CA5B: variants seen among roughly 807,000 people sequenced by gnomAD.
CA5B encodes carbonic anhydrase 5B, mitochondrial.
Under a neutral mutation model 23.1 loss-of-function variants are expected in CA5B, and 15 were observed. The observed-to-expected ratio is 0.65, with a 90% confidence interval of 0.43 to 1.00. The LOEUF (loss-of-function observed/expected upper bound fraction) is 1.00, where lower values mean the gene tolerates loss of function less well. Ranked by LOEUF, CA5B falls within the 50% of genes least tolerant of loss-of-function variation. The probability of loss-of-function intolerance (pLI) is 0.00; values close to 1 mark genes in which losing one functional copy is unlikely to be tolerated. For synonymous variants in CA5B, 84 were observed against 98.5 expected (o/e 0.85, Z 0.87); for missense variants, 236 against 252.2 (o/e 0.94, Z 0.43).
rs933675971 is a variant in CA5B, at chrX:15,785,803, AAC to A, written c.*3145_*3146del. ...AAGTATAGTTACCTTTAAAAGGGTAAACACACAAGATATGCATTTTCCAAAGC... is the reference window on the plus strand; with the variant it reads ...AAGTATAGTTACCTTTAAAAGGGTAAACACAAGATATGCATTTTCCAAAGC... On this transcript the variant is annotated 3_prime_UTR_variant, in exon 8 of 8. Transcript: ENST00000318636. 11 of 112,474 alleles carry A rather than the reference AAC, an allele frequency of 9.8e-5. No homozygotes were observed. In the South Asian group the frequency reaches 1.1e-3, roughly 11 times the overall value. 9.3% of individuals were successfully genotyped at this position (112,474 alleles called of 1,213,427 possible).
intron 3 of CA5B, among the ~76,000 whole-genome samples, chrX:15,771,504 G>A (rs1931819873): frequency 9.1e-6 from 1 of 109,669 alleles, no homozygotes. Flanking sequence ...TCAGCTCACC[G>A]CAACCTCCGC....
chrX:15,771,195 T>A, intron 3 of CA5B, among the ~76,000 whole-genome samples: 1 of 61,315 alleles, frequency 1.6e-5, no homozygotes, highest in African/African-American at 6.7e-5. Flanking sequence ...TGACAAAACC[T>A]CATCTCTACA....
At chrX:15,752,301 C>G (rs1443938390) in intron 2 of CA5B, among the ~76,000 whole-genome samples, 2 of 111,335 alleles carry the variant, frequency 1.8e-5, no homozygotes, top group South Asian at 7.4e-4. Flanking sequence ...ATTTACTTTC[C>G]AAGCTGACTT....
At chrX:15,746,116 G>A (rs1601777631) in intron 1 of CA5B, among the ~76,000 whole-genome samples, 1 of 92,565 alleles carries the variant, frequency 1.1e-5, no homozygotes, top group African/African-American at 4.2e-5. Context: ...CATGATCTCG[G>A]CTCACTGCAA....
At chrX:15,745,055 G>A (rs1344596060) in intron 1 of CA5B, among the ~76,000 whole-genome samples, 1 of 108,134 alleles carries the variant, frequency 9.2e-6, no homozygotes, top group Non-Finnish European at 1.9e-5. Context: ...TGTATTCCCA[G>A]CTACTCTGGA....
At chrX:15,776,024 T>C (rs985981895) in intron 6 of CA5B, 53 of 751,421 alleles carry the variant, frequency 7.1e-5, no homozygotes, top group Admixed American at 1.8e-4. Context: ...AAAGGACAAT[T>C]CTCAGTTAGC....
intron 2 of CA5B, among the ~76,000 whole-genome samples, chrX:15,757,500 G>A (rs1291384923): frequency 1.8e-5 from 2 of 110,507 alleles, no homozygotes; most frequent in African/African-American, 6.6e-5. Flanking sequence ...TAGCGACAGA[G>A]CGAGACTCTG....
chrX:15,748,095 C>T (rs906144039), intron 1 of CA5B, among the ~76,000 whole-genome samples: 2 of 111,899 alleles, frequency 1.8e-5, no homozygotes, highest in Non-Finnish European at 3.8e-5. Context: ...GAAGGCTGGT[C>T]GCCCCACCCT....
At chrX:15,752,561 T>TA (rs1931387924) in intron 2 of CA5B, among the ~76,000 whole-genome samples, 1 of 110,574 alleles carries the variant, frequency 9.0e-6, no homozygotes, top group East Asian at 2.8e-4. Flanking sequence ...CCGTCTCTAC[T>TA]AAAAATACAG....
At chrX:15,752,048 C>T (rs1317625985) in intron 2 of CA5B, among the ~76,000 whole-genome samples, 1 of 111,393 alleles carries the variant, frequency 9.0e-6, no homozygotes, top group African/African-American at 3.3e-5. Context: ...TGACTGTGGC[C>T]CATGATACAG....
At chrX:15,776,336 C>G (rs1405390113) in intron 6 of CA5B, among the ~76,000 whole-genome samples, 2 of 58,923 alleles carry the variant, frequency 3.4e-5, no homozygotes, top group Non-Finnish European at 6.0e-5. Flanking sequence ...GAGACTCTGT[C>G]TCAAAAAAAA....
intron 2 of CA5B, among the ~76,000 whole-genome samples, chrX:15,757,520 C>T (rs961927613): frequency 9.2e-6 from 1 of 108,620 alleles, no homozygotes; most frequent in South Asian, 4.0e-4. Flanking sequence ...GTCTCAAAAA[C>T]AAACAAGCAA....
chrX:15,769,786 G>A (rs1392472771), intron 3 of CA5B, among the ~76,000 whole-genome samples: 3 of 111,706 alleles, frequency 2.7e-5, no homozygotes, highest in Non-Finnish European at 5.6e-5. Context: ...CACCCCAGAA[G>A]CATTCCTTGT....
Position 15,782,624 on chromosome X carries a change from A to G in CA5B, c.914A>G (p.Gln305Arg). The G allele has an allele frequency of 8.3e-7, 1 of 1,200,940 alleles. No homozygotes were observed. Among genetic ancestry groups the G allele is most frequent in the Non-Finnish European group, 1.1e-6 (1 of 890,537 alleles). ...SFRHDYVLNVQAKPKPATSQA... is the reference protein window; with the variant it reads ...SFRHDYVLNVRAKPKPATSQA... ...CGGCATGATTATGTGCTGAATGTAC[A>G]AGCGAAACCCAAGCCGGCCACCAGC... is the stretch of plus-strand genomic sequence containing the variant. Residue 305 changes from glutamine to arginine, a missense_variant, in exon 8 of 8, where the codon CAA becomes CGA. Coordinates refer to ENST00000318636, the MANE Select transcript of CA5B (RefSeq NM_007220.4).
At chrX:15,767,782 G>T (rs995343437) in intron 3 of CA5B, among the ~76,000 whole-genome samples, 6 of 108,046 alleles carry the variant, frequency 5.6e-5, no homozygotes, top group African/African-American at 2.0e-4. Flanking sequence ...TAGAGACAGG[G>T]TTTCACCATG....
chrX:15,780,137 C>T (rs1214326556), intron 7 of CA5B, among the ~76,000 whole-genome samples: 1 of 111,097 alleles, frequency 9.0e-6, no homozygotes, highest in East Asian at 2.8e-4. Flanking sequence ...TGGGGAAATC[C>T]TTCTGGTCTC....
intron 2 of CA5B, among the ~76,000 whole-genome samples, chrX:15,753,778 A>AAG (rs1931431515): frequency 9.0e-6 from 1 of 111,690 alleles, no homozygotes; most frequent in Non-Finnish European, 1.9e-5. Context: ...GTGTGGTGGT[A>AAG]TGCACCTGTA....
rs924683346 is a variant in CA5B, at chrX:15,775,366, G to A, written c.618+58G>A. The A allele has an allele frequency of 1.2e-5, 14 of 1,140,137 alleles. 1 individual carries two copies. Among genetic ancestry groups the A allele is most frequent in the African/African-American group, 9.0e-5 (5 of 55,461 alleles). The allele number at this position is 1,140,137 out of a possible 1,213,427, so 94.0% of individuals were successfully genotyped here. ...TACTTTTATGTTTCAATCTCAGAGC[G>A]GAGACATTACCAAGGCACTTTGAAT... On this transcript the variant is annotated intron_variant, in intron 6 of 7. Transcript: ENST00000318636.
intron 2 of CA5B, among the ~76,000 whole-genome samples, chrX:15,761,448 T>C (rs1408795648): frequency 8.9e-6 from 1 of 112,408 alleles, no homozygotes; most frequent in Non-Finnish European, 1.9e-5. Context: ...CCATTTCAGA[T>C]GTGCCAGTTC....
Sources: gnomAD v4.1 joint callset for allele counts (sites outside exome capture counted in the v4.1 genomes callset) on GRCh38, gnomAD v4.1.1 for gene constraint, MANE v1.5 for transcripts, NCBI Gene and HGNC (gene_info 2026-07-23, HGNC 2026-07-21) for gene names.